KANSL1L: variants seen among roughly 807,000 people sequenced by gnomAD.
KANSL1L encodes the protein KAT8 regulatory NSL complex subunit 1-like protein.
Under a neutral mutation model 108.6 loss-of-function variants are expected in KANSL1L, and 25 were observed. The ratio of observed to expected loss-of-function variants is 0.23; its 90% CI spans 0.17 to 0.32. The LOEUF (loss-of-function observed/expected upper bound fraction) is 0.32. Among genes scored for constraint, KANSL1L ranks in the 10% least tolerant of loss-of-function variants. KANSL1L has a pLI of 1.00. For synonymous variants in KANSL1L, 405 were observed against 395.1 expected (o/e 1.03, Z -0.30); for missense variants, 1,137 against 1,125.7 (o/e 1.01, Z -0.14).
intron 7 of KANSL1L, among the ~76,000 whole-genome samples, chr2:210,042,862 G>C (rs1285619621): frequency 6.6e-5 from 10 of 152,140 alleles, no homozygotes. Context: ...ACTAAATTGA[G>C]ATTCAGGGCA....
chr2:210,063,437 T>A (rs1473461093), intron 6 of KANSL1L, among the ~76,000 whole-genome samples: 1 of 152,164 alleles, frequency 6.6e-6, no homozygotes, highest in African/African-American at 2.4e-5. Flanking sequence ...GACTCTAGAA[T>A]GGTAGATCTG....
intron 5 of KANSL1L, among the ~76,000 whole-genome samples, chr2:210,090,123 T>C (rs2094680047): frequency 6.6e-6 from 1 of 152,366 alleles, no homozygotes. Context: ...ATATACTTTA[T>C]GTCCTCACAT....
intron 5 of KANSL1L, among the ~76,000 whole-genome samples, chr2:210,085,915 A>G (rs2094633139): frequency 6.7e-6 from 1 of 149,340 alleles, no homozygotes; most frequent in Admixed American, 6.7e-5. Flanking sequence ...ATTGTAATTA[A>G]ATATTTATTA....
chr2:210,036,581 A>G (rs1307375824), intron 8 of KANSL1L, among the ~76,000 whole-genome samples: 2 of 152,168 alleles, frequency 1.3e-5, no homozygotes, highest in Non-Finnish European at 2.9e-5. Flanking sequence ...TTCACCTTTG[A>G]TTCTTCAGCA....
chr2:210,085,456 G>A (rs1214859103), intron 5 of KANSL1L, among the ~76,000 whole-genome samples: 1 of 152,070 alleles, frequency 6.6e-6, no homozygotes, highest in Admixed American at 6.6e-5. Context: ...GCAAAGAGAC[G>A]AGGAAACCAA....
At chr2:210,058,447 T>C in intron 6 of KANSL1L, among the ~76,000 whole-genome samples, 1 of 152,148 alleles carries the variant, frequency 6.6e-6, no homozygotes, top group East Asian at 1.9e-4. Flanking sequence ...CCATTTGCCT[T>C]GTGATATCTT....
intron 6 of KANSL1L, among the ~76,000 whole-genome samples, chr2:210,074,112 T>A (rs574388368): frequency 6.6e-6 from 1 of 152,268 alleles, no homozygotes; most frequent in African/African-American, 2.4e-5. Flanking sequence ...CTGAGAGAAA[T>A]GACATTTAAA....
intron 3 of KANSL1L, among the ~76,000 whole-genome samples, chr2:210,110,910 G>C (rs2094897974): frequency 1.3e-5 from 2 of 152,064 alleles, no homozygotes; most frequent in African/African-American, 4.8e-5. Context: ...CCAGGAGCTT[G>C]AGACCAGCCT....
At chr2:210,153,387 T>A in intron 2 of KANSL1L, 108 bp downstream of exon 2, 5 of 794,796 alleles carry the variant, frequency 6.3e-6, no homozygotes, top group African/African-American at 1.8e-5. Flanking sequence ...AAAAAGATTA[T>A]AGCATTAAGA....
At chr2:210,073,683 G>A (rs530039158) in intron 6 of KANSL1L, among the ~76,000 whole-genome samples, 1 of 151,718 alleles carries the variant, frequency 6.6e-6, no homozygotes, top group African/African-American at 2.4e-5. Context: ...TGGTTCTCAA[G>A]ACTTTCCATA....
chr2:210,062,129 C>T (rs1237715196), intron 6 of KANSL1L, among the ~76,000 whole-genome samples: 5 of 152,014 alleles, frequency 3.3e-5, no homozygotes, highest in South Asian at 4.1e-4. Context: ...TGGGAGGGAC[C>T]GGGAGATGTA....
intron 4 of KANSL1L, among the ~76,000 whole-genome samples, chr2:210,102,868 G>T (rs1230494311): frequency 6.6e-6 from 1 of 152,182 alleles, no homozygotes; most frequent in Non-Finnish European, 1.5e-5. Flanking sequence ...CACTGCTGGT[G>T]GGACTATAAA....
At chr2:210,147,359 AG>A (rs1429732272) in intron 2 of KANSL1L, among the ~76,000 whole-genome samples, 1 of 152,224 alleles carries the variant, frequency 6.6e-6, no homozygotes, top group Admixed American at 6.5e-5. Flanking sequence ...CTACTCAGGC[AG>A]GAAGGATCCC....
chr2:210,165,774 G>A (rs1486103015), intron 1 of KANSL1L, among the ~76,000 whole-genome samples: 1 of 152,168 alleles, frequency 6.6e-6, no homozygotes, highest in Non-Finnish European at 1.5e-5. Flanking sequence ...ACTATTAGTT[G>A]TTCTGAAATT....
intron 2 of KANSL1L, among the ~76,000 whole-genome samples, chr2:210,134,253 T>C (rs2095153755): frequency 6.6e-6 from 1 of 152,156 alleles, no homozygotes; most frequent in Non-Finnish European, 1.5e-5. Flanking sequence ...ATATGTTCAA[T>C]TTCTTTCATT....
chr2:210,047,381 T>C (rs1464084498), intron 6 of KANSL1L, among the ~76,000 whole-genome samples: 1 of 152,178 alleles, frequency 6.6e-6, no homozygotes, highest in Non-Finnish European at 1.5e-5. Context: ...CTAAGAGATT[T>C]TTTCAGCCAA....
chr2:210,122,555 A>T (rs978544235), intron 3 of KANSL1L, among the ~76,000 whole-genome samples: 1 of 152,178 alleles, frequency 6.6e-6, no homozygotes, highest in African/African-American at 2.4e-5. Context: ...TAAATCTAAG[A>T]CCTCAAACTA....
intron 3 of KANSL1L, among the ~76,000 whole-genome samples, chr2:210,108,701 T>C (rs78293397): frequency 0.01 from 1,592 of 152,286 alleles, 23 homozygotes; most frequent in African/African-American, 0.034. Context: ...GACTGGGTAA[T>C]TGTAAACTGA....
chr2:210,106,356 A>G (rs1460616145), intron 3 of KANSL1L, among the ~76,000 whole-genome samples: 2 of 152,192 alleles, frequency 1.3e-5, no homozygotes, highest in Non-Finnish European at 2.9e-5. Flanking sequence ...ATAAATCTGC[A>G]TCTATGGGAA....
Sources: gnomAD v4.1 joint callset for allele counts (sites outside exome capture counted in the v4.1 genomes callset) on GRCh38, gnomAD v4.1.1 for gene constraint, MANE v1.5 for transcripts, NCBI Gene and HGNC (gene_info 2026-07-23, HGNC 2026-07-21) for gene names.